The following SOX5 variants were observed in gnomAD, a reference collection of about 807,000 sequenced individuals.
SOX5 encodes transcription factor SOX-5.
In SOX5, 9 loss-of-function variants were observed where a neutral mutation model predicts 92.0. The observed-to-expected ratio is 0.10, with a 90% CI of 0.06 to 0.17. The LOEUF (loss-of-function observed/expected upper bound fraction) is 0.17, where lower values mean the gene tolerates loss of function less well. Ranked by LOEUF, SOX5 falls within the 10% of genes least tolerant of loss-of-function variation. The pLI, the probability that SOX5 is intolerant of heterozygous loss-of-function variation, is 1.00. For synonymous variants in SOX5, 344 were observed against 336.3 expected, an observed-to-expected ratio of 1.02 and a Z score of -0.25; for missense variants, 642 against 944.5, an observed-to-expected ratio of 0.68 and a Z score of 4.20.
At chr12:23,605,021 TG>T (rs1342156721) in intron 8 of SOX5, among the ~76,000 whole-genome samples, 1 of 93,074 alleles carries the variant, frequency 1.1e-5, no homozygotes, top group African/African-American at 4.2e-5. Context: ...GAAAAGGCAC[TG>T]AAAGGCAACG....
chr12:24,159,164 T>C (rs1476141432), intron 4 of SOX5, among the ~76,000 whole-genome samples: 2 of 149,708 alleles, frequency 1.3e-5, no homozygotes, highest in Admixed American at 6.7e-5. Flanking sequence ...AGTCTTTATT[T>C]CATTCACTCA....
intron 3 of SOX5, among the ~76,000 whole-genome samples, chr12:23,821,694 T>G (rs941665299): frequency 3.3e-5 from 5 of 152,206 alleles, no homozygotes; most frequent in Non-Finnish European, 7.4e-5. Context: ...GTAGATAAGC[T>G]TTTTAATGTG....
At chr12:24,298,089 C>T (rs775006) in intron 2 of SOX5, among the ~76,000 whole-genome samples, 55,950 of 151,824 alleles carry the variant, frequency 0.37, 10,730 homozygotes, top group Admixed American at 0.42. Flanking sequence ...TGTTTTATTT[C>T]TGAGACAGGG....
At chr12:24,520,122 CCAGA>C (rs1184231915) in intron 1 of SOX5, among the ~76,000 whole-genome samples, 1 of 151,664 alleles carries the variant, frequency 6.6e-6, no homozygotes. Flanking sequence ...AAAGACTTTC[CCAGA>C]CAAACAAACA....
chr12:24,370,476 C>CAAAAAAAAAAAAA (rs57192965), intron 1 of SOX5, among the ~76,000 whole-genome samples: 1 of 79,712 alleles, frequency 1.3e-5, no homozygotes, highest in Non-Finnish European at 2.3e-5. Context: ...GACTCCGTCT[C>CAAAAAAAAAAAAA]AAAAAAAAAA....
intron 1 of SOX5, among the ~76,000 whole-genome samples, chr12:23,911,027 T>A (rs2138390135): frequency 6.6e-6 from 1 of 152,238 alleles, no homozygotes; most frequent in South Asian, 2.1e-4. Context: ...CTATTATTTT[T>A]TCTTATGAAA....
intron 6 of SOX5, among the ~76,000 whole-genome samples, chr12:23,710,790 G>A (rs1238959375): frequency 6.6e-6 from 1 of 152,106 alleles, no homozygotes; most frequent in Non-Finnish European, 1.5e-5. Flanking sequence ...GGTATTTCTA[G>A]TTCTAGATCC....
At chr12:23,682,551 G>T (rs1035568557) in intron 6 of SOX5, among the ~76,000 whole-genome samples, 1 of 151,628 alleles carries the variant, frequency 6.6e-6, no homozygotes, top group African/African-American at 2.4e-5. Flanking sequence ...ATCATGTAGT[G>T]GTTAGCAATT....
rs180964422 is a variant in SOX5 at position 24,061,783 on chromosome 12, C to T, written c.-2+151560G>A. Among the ~76,000 whole-genome samples, 309 of 151,570 alleles carry T rather than the reference C, an allele frequency of 2.0e-3. 1 individual carries two copies. The highest frequency in any genetic ancestry group is 0.01 in the Middle Eastern group (3 of 292). On this transcript the variant is annotated intron_variant, in intron 4 of 4. Coordinates refer to the SOX5 transcript ENST00000446891. ...AAAAAACCTTTCTCTTTTCTGTTTC[C>T]TCCTTTCAACAGGCCCTATAATGTA...
At chr12:23,553,766 A>C (rs950145736) in intron 11 of SOX5, among the ~76,000 whole-genome samples, 3 of 152,150 alleles carry the variant, frequency 2.0e-5, no homozygotes, top group Non-Finnish European at 4.4e-5. Context: ...GGAGGGCTAC[A>C]CAAATGTAAA....
At chr12:24,528,232 A>G (rs1363597569) in intron 1 of SOX5, among the ~76,000 whole-genome samples, 1 of 152,210 alleles carries the variant, frequency 6.6e-6, no homozygotes, top group Non-Finnish European at 1.5e-5. Flanking sequence ...TCTCATTTAT[A>G]CAAAGTGGCA....
chr12:24,390,377 A>G (rs1182906268), intron 1 of SOX5, among the ~76,000 whole-genome samples: 1 of 152,190 alleles, frequency 6.6e-6, no homozygotes. Context: ...CAACCAGAAT[A>G]TTTTGACAGT....
chr12:24,469,106 C>A (rs2137601022), intron 1 of SOX5, among the ~76,000 whole-genome samples: 1 of 152,272 alleles, frequency 6.6e-6, no homozygotes, highest in South Asian at 2.1e-4. Context: ...ACTAGGCGGT[C>A]CCATCTGGGT....
At chr12:24,465,454 G>T (rs1639186354) in intron 1 of SOX5, among the ~76,000 whole-genome samples, 1 of 152,102 alleles carries the variant, frequency 6.6e-6, no homozygotes, top group Non-Finnish European at 1.5e-5. Context: ...AGCAGTCCAG[G>T]TTCTGTTTTG....
chr12:24,240,087 A>C (rs1013317363), intron 3 of SOX5, among the ~76,000 whole-genome samples: 1 of 152,206 alleles, frequency 6.6e-6, no homozygotes, highest in Non-Finnish European at 1.5e-5. Flanking sequence ...TTACTGCCTG[A>C]GTATTCCTTT....
At chr12:24,145,348 A>C (rs1412037944) in intron 4 of SOX5, among the ~76,000 whole-genome samples, 1 of 152,222 alleles carries the variant, frequency 6.6e-6, no homozygotes, top group Non-Finnish European at 1.5e-5. Flanking sequence ...GACAATAACA[A>C]CATTAAATGT....
chr12:24,416,714 G>A lies in SOX5; in HGVS notation c.-250-48075C>T, dbSNP rs79755858. The stretch of plus-strand genomic sequence containing the variant: ...AGTTGAAGTTATTTGTACTTTGAGC[G>A]ATGATAGTCAAACACAGTTTGAATA... On this transcript the variant is annotated intron_variant, in intron 1 of 4. Coordinates refer to the SOX5 transcript ENST00000446891. Among the ~76,000 whole-genome samples the A allele has an allele frequency of 2.4e-4, 37 of 152,308 alleles. No individual in the cohort carries two copies. In the East Asian group the frequency reaches 6.4e-3, roughly 26 times the overall value.
At chr12:23,726,958 A>C in intron 6 of SOX5, among the ~76,000 whole-genome samples, 1 of 152,216 alleles carries the variant, frequency 6.6e-6, no homozygotes, top group East Asian at 1.9e-4. Context: ...ACAATTATCT[A>C]AATAGATTAA....
intron 1 of SOX5, among the ~76,000 whole-genome samples, chr12:24,489,054 T>C (rs1269854958): frequency 6.6e-6 from 1 of 152,174 alleles, no homozygotes; most frequent in Non-Finnish European, 1.5e-5. Context: ...GGGTTGAAAA[T>C]AGTTTGCATT....
Sources: gnomAD v4.1 joint callset for allele counts (sites outside exome capture counted in the v4.1 genomes callset) on GRCh38, gnomAD v4.1.1 for gene constraint, MANE v1.5 for transcripts, NCBI Gene and HGNC (gene_info 2026-07-23, HGNC 2026-07-21) for gene names.